LOXL2: variants seen among roughly 807,000 people sequenced by gnomAD.
The protein encoded by LOXL2 is lysyl oxidase homolog 2.
A neutral mutation model predicts 93.0 loss-of-function variants in LOXL2; 70 were observed. The ratio of observed to expected loss-of-function variants is 0.75; its 90% CI spans 0.62 to 0.92. LOXL2 has a LOEUF of 0.92. LOXL2 is among the 40% of genes least tolerant of loss of function. The probability of loss-of-function intolerance (pLI) is 0.00; values close to 1 mark genes in which losing one functional copy is unlikely to be tolerated. For missense variants in LOXL2, 973 were observed against 1,054.9 expected (o/e 0.92, Z 1.08); for synonymous variants, 438 against 413.2 (o/e 1.06, Z -0.73).
At chr8:23,327,689 G>A (rs9792307) in intron 6 of LOXL2, among the ~76,000 whole-genome samples, 88,781 of 151,600 alleles carry the variant, frequency 0.59, 28,417 homozygotes, top group Middle Eastern at 0.73. Flanking sequence ...AATGACCAAG[G>A]CTCGCAAGGA....
At chr8:23,352,238 C>T (rs1023865179) in intron 3 of LOXL2, among the ~76,000 whole-genome samples, 2 of 152,358 alleles carry the variant, frequency 1.3e-5, no homozygotes, top group South Asian at 2.1e-4. Flanking sequence ...TGGGCCTCCA[C>T]CATGGGTCCT....
At position 23,333,494 on chromosome 8, in the gene LOXL2, G is replaced by A. The variant is rs140401947; in HGVS notation, c.873C>T (p.Cys291=). The A allele has an allele frequency of 8.6e-5, 139 of 1,613,976 alleles. No homozygotes were observed. In the African/African-American group the frequency reaches 1.3e-3, roughly 16 times the overall value. ...VSLDPMKNVT[C]ENGLPAVVSC... ...TCACCACGGCCGGTAGCCCATTCTC[G>A]CAGGTGACATTCTTCATGGGGTCCA... Residue 291 remains cysteine, a synonymous_variant, in exon 5 of 14, where the codon TGC becomes TGT. Transcript: ENST00000389131.
chr8:23,301,311 C>A (rs534198132), intron 12 of LOXL2, among the ~76,000 whole-genome samples: 2 of 152,270 alleles, frequency 1.3e-5, no homozygotes, highest in South Asian at 4.1e-4. Context: ...CCCCTTTTCT[C>A]CCCCAGTTAG....
Position 23,367,982 on chromosome 8 carries a change from G to C in LOXL2, c.355+15C>G. 1 of 1,600,840 alleles carries C rather than the reference G, an allele frequency of 6.2e-7. No individual in the cohort carries two copies. Among genetic ancestry groups the C allele is most frequent in the East Asian group, 2.2e-5 (1 of 44,726 alleles). On this transcript the variant is annotated intron_variant, in intron 2 of 13. Transcript: ENST00000389131. ...CCAGGTGACAGCACTCAGATCCAAA[G>C]CACAGAGCGTTTACCTTCTCCCTTG...
chr8:23,395,084 T>C (rs2117239390), intron 1 of LOXL2, among the ~76,000 whole-genome samples: 1 of 152,112 alleles, frequency 6.6e-6, no homozygotes, highest in East Asian at 1.9e-4. Context: ...TGAAACCCCG[T>C]CTCTACTAAA....
chr8:23,333,205 C>A (rs111389466), intron 5 of LOXL2, among the ~76,000 whole-genome samples, 196 bp downstream of exon 5: 1 of 152,174 alleles, frequency 6.6e-6, no homozygotes, highest in African/African-American at 2.4e-5. Context: ...CCTGTGACAA[C>A]TGATGCTGGG....
intron 12 of LOXL2, among the ~76,000 whole-genome samples, chr8:23,301,512 G>C (rs1313800623): frequency 6.6e-6 from 1 of 152,210 alleles, no homozygotes; most frequent in African/African-American, 2.4e-5. Context: ...TTTGCATTGA[G>C]AATGGCCCCT....
intron 1 of LOXL2, among the ~76,000 whole-genome samples, chr8:23,383,724 A>T (rs13439863): frequency 7.2e-6 from 1 of 138,458 alleles, no homozygotes; most frequent in Admixed American, 7.8e-5. Flanking sequence ...GCAGTGGCGC[A>T]ATCTCGGCTC....
At chr8:23,338,107 G>T (rs1476047709) in intron 4 of LOXL2, among the ~76,000 whole-genome samples, 1 of 152,194 alleles carries the variant, frequency 6.6e-6, no homozygotes, top group Non-Finnish European at 1.5e-5. Context: ...GAGAGCGTGT[G>T]CAGGGGAACT....
chr8:23,388,555 G>T (rs4871873), intron 1 of LOXL2, among the ~76,000 whole-genome samples: 7,974 of 150,698 alleles, frequency 0.053, 319 homozygotes, highest in East Asian at 0.18. Context: ...CTGCACTCCA[G>T]TCCAGCCTGG....
At chr8:23,311,526 G>A (rs1803318875) in intron 9 of LOXL2, among the ~76,000 whole-genome samples, 1 of 152,174 alleles carries the variant, frequency 6.6e-6, no homozygotes, top group Admixed American at 6.5e-5. Context: ...TCTCCACTTG[G>A]GCTCTCCCGC....
At chr8:23,368,664 G>C (rs1028657305) in intron 1 of LOXL2, among the ~76,000 whole-genome samples, 1 of 152,138 alleles carries the variant, frequency 6.6e-6, no homozygotes, top group Admixed American at 6.5e-5. Flanking sequence ...TCCTGGCAGG[G>C]AACAGAACAC....
intron 1 of LOXL2, among the ~76,000 whole-genome samples, chr8:23,374,239 G>C (rs1278316277): frequency 1.3e-5 from 2 of 151,850 alleles, no homozygotes; most frequent in African/African-American, 4.8e-5. Context: ...TGAGAATGAT[G>C]GTTTCCAGCT....
At chr8:23,314,836 A>AT (rs1406804656) in intron 9 of LOXL2, among the ~76,000 whole-genome samples, 1 of 142,336 alleles carries the variant, frequency 7.0e-6, no homozygotes, top group Non-Finnish European at 1.5e-5. Flanking sequence ...AAAAAAGAAA[A>AT]AAATAAAAAT....
intron 3 of LOXL2, among the ~76,000 whole-genome samples, chr8:23,341,978 C>T (rs1354755302): frequency 6.6e-6 from 1 of 152,102 alleles, no homozygotes; most frequent in Non-Finnish European, 1.5e-5. Context: ...CTTCCCACAC[C>T]CACCCCACCC....
intron 4 of LOXL2, among the ~76,000 whole-genome samples, chr8:23,339,886 C>A (rs1803852809): frequency 2.0e-5 from 3 of 152,096 alleles, no homozygotes; most frequent in Non-Finnish European, 2.9e-5. Flanking sequence ...GGGGCTGGGA[C>A]AAAATTATGG....
At chr8:23,342,158 C>G (rs1803892085) in intron 3 of LOXL2, among the ~76,000 whole-genome samples, 2 of 152,192 alleles carry the variant, frequency 1.3e-5, no homozygotes, top group African/African-American at 4.8e-5. Flanking sequence ...CTGAAATATC[C>G]CTGTACCACC....
chr8:23,302,160 A>G lies in LOXL2; in HGVS notation c.2000T>C (p.Ile667Thr), dbSNP rs763310837. 1.3e-4 allele frequency: 203 copies of G among 1,613,974 alleles called. No homozygotes were observed. In the Middle Eastern group the frequency reaches 1.3e-3, roughly 10 times the overall value. Reference protein sequence around the residue: ...CLEDTECEGDIQKNYECANFG... With the variant: ...CLEDTECEGDTQKNYECANFG... ...GTTGGCACACTCGTAATTCTTCTGG[A>G]TGTCTGCGGGCAGGGTAGAGGAGAG... The change falls in exon 12 of 14, where the codon ATC becomes ACC. Residue 667 changes from isoleucine to threonine, a missense_variant. Transcript: ENST00000389131.
At position 23,303,415 on chromosome 8, in the gene LOXL2, T is replaced by A; in HGVS notation, c.1881-18A>T. 6.9e-7 allele frequency: 1 copy of A among 1,453,312 alleles called. No individual in the cohort carries two copies. The highest frequency in any genetic ancestry group is 9.7e-7 in the Non-Finnish European group (1 of 1,034,812). 90.0% of individuals were successfully genotyped at this position (1,453,312 alleles called of 1,614,324 possible). ...GGTAGTGCCTGGAGCGAGAGAGAGA[T>A]GGCCTGGAGGTCAGTTTCTGGAGCA... On this transcript the variant is annotated intron_variant, in intron 10 of 13. Transcript: ENST00000389131.
Sources: allele counts gnomAD v4.1 joint callset (sites outside exome capture counted in the v4.1 genomes callset), GRCh38; gene constraint gnomAD v4.1.1; transcripts MANE v1.5; gene names NCBI Gene and HGNC (gene_info 2026-07-23, HGNC 2026-07-21).